The following CELSR3 variants were observed in gnomAD, a reference collection of about 807,000 sequenced individuals.
CELSR3 encodes the protein cadherin EGF LAG seven-pass G-type receptor 3.
A neutral mutation model predicts 270.0 loss-of-function variants in CELSR3; 73 were observed. That is an observed-to-expected ratio of 0.27 (90% CI 0.22 to 0.33). CELSR3 has a LOEUF of 0.33. Ranked by LOEUF, CELSR3 falls within the 10% of genes least tolerant of loss-of-function variation. CELSR3 has a pLI of 1.00. For synonymous variants in CELSR3, 1,780 were observed against 1,905.4 expected (o/e 0.93, Z 1.71); for missense variants, 3,614 against 4,533.8 (o/e 0.80, Z 5.83).
chr3:48,640,054 C>A lies in CELSR3; in HGVS notation c.9531G>T (p.Gln3177His), dbSNP rs779819765. ...PQPPPLPLSP[Q>H]RQLSRDPLLP... is the part of the protein sequence containing the mutation. ...AGAGGGGGTCCCTTGAGAGTTGCCG[C>A]TGGGGAGACAGGGGCAGAGGTGGGG... The change falls in exon 34 of 35, where the codon CAG (glutamine) becomes CAT (histidine). Residue 3177 changes from glutamine (Q) to histidine (H), a missense_variant. By Grantham distance (24) the Gln-to-His change is conservative (BLOSUM62 0). This residue lies in a region of CELSR3 where 1,240 missense variants were observed against 1,351.7 expected (regional missense o/e 0.92). Coordinates refer to ENST00000164024, the MANE Select transcript of CELSR3 (RefSeq NM_001407.3). This position sits in a 1 kb window ranked among gnomAD's most constrained non-coding sequence, Gnocchi z 7.5. The A allele has an allele frequency of 6.2e-7, 1 of 1,610,816 alleles. No homozygotes were observed. Among genetic ancestry groups the A allele is most frequent in the Non-Finnish European group, 8.5e-7 (1 of 1,179,684 alleles).
Position 48,655,476 on chromosome 3 carries a change from G to T in CELSR3, c.4742-82C>A. On this transcript the variant is annotated intron_variant, in intron 4 of 34. Transcript: ENST00000164024. The surrounding 1 kb of genome is among the most constrained non-coding windows in gnomAD (Gnocchi z 5.8). ...CGTCATATAAGCACAACCATTCCCA[G>T]GGCCACCCTGGATGCATCAGATCAG... is the stretch of plus-strand genomic sequence containing the variant. 7.1e-7 allele frequency: 1 copy of T among 1,398,712 alleles called. No homozygotes were observed. Among genetic ancestry groups the T allele is most frequent in the East Asian group, 2.3e-5 (1 of 43,320 alleles). The allele number at this position is 1,398,712 out of a possible 1,614,324, so 86.6% of individuals were successfully genotyped here. A position where few individuals can be genotyped will look rare whatever the true frequency, so the allele number is the denominator to read the frequency against.
Position 48,646,257 on chromosome 3 carries a change from C to G in CELSR3, c.7296G>C (p.Arg2432Ser). 3 of 1,608,928 alleles carry G rather than the reference C, an allele frequency of 1.9e-6. No homozygotes were observed. Among genetic ancestry groups the G allele is most frequent in the Non-Finnish European group, 1.7e-6 (2 of 1,177,350 alleles). Residue 2432 changes from arginine to serine, a missense_variant and splice_region_variant, in exon 22 of 35, where the codon AGG (arginine) becomes AGC (serine). Around this residue, in one of 7 missense-constraint regions of CELSR3, gnomAD observed 1,240 missense variants for 1,351.7 expected, o/e 0.92. Transcript: ENST00000164024. The surrounding 1 kb of genome is among the most constrained non-coding windows in gnomAD (Gnocchi z 4.8). ...AQFQAERRGA[R>S]LPQNPVMNSP... ...AGTTCATGACGGGGTTCTGAGGAAG[C>G]CTGGGGAGACACCCATCTGGGCTTA...
Position 48,642,715 on chromosome 3 carries a change from C to A in CELSR3, c.8555+21G>T. 6.2e-7 allele frequency: 1 copy of A among 1,604,152 alleles called. No homozygotes were observed. The highest frequency in any genetic ancestry group is 1.1e-5 in the South Asian group (1 of 90,722). Reference sequence around the variant, plus strand: ...CTGGACTAAGCTGAGTGTTCCCTCACAAGGAGGCTCTTCCTCTCACCTGAG... The same window carrying A: ...CTGGACTAAGCTGAGTGTTCCCTCAAAAGGAGGCTCTTCCTCTCACCTGAG... On this transcript the variant is annotated intron_variant, in intron 30 of 34. Coordinates refer to ENST00000164024, the MANE Select transcript of CELSR3 (RefSeq NM_001407.3). This position sits in a 1 kb window ranked among gnomAD's most constrained non-coding sequence, Gnocchi z 6.1.
Position 48,645,263 on chromosome 3 carries a change from C to G in CELSR3, c.7798-54G>C, listed in dbSNP as rs962027843. ...CTCCTGCCTCACCCACCTCTGACCC[C>G]TACCCCAGGCATCTGCTTCCCACCT... On this transcript the variant is annotated intron_variant, in intron 24 of 34. Coordinates refer to ENST00000164024, the MANE Select transcript of CELSR3 (RefSeq NM_001407.3). The surrounding 1 kb of genome is among the most constrained non-coding windows in gnomAD (Gnocchi z 5.4). 138 of 1,547,514 alleles carry G rather than the reference C, an allele frequency of 8.9e-5. No homozygotes were observed. The highest frequency in any genetic ancestry group is 1.1e-4 in the Non-Finnish European group (120 of 1,141,048).
Position 48,655,449 on chromosome 3 carries a change from C to G in CELSR3, c.4742-55G>C, listed in dbSNP as rs1361335177. ...GGAGCAGCGGAGTCGCCCCATCCCA[C>G]CCGTCATATAAGCACAACCATTCCC... is the stretch of plus-strand genomic sequence containing the variant. On this transcript the variant is annotated intron_variant, in intron 4 of 34. Coordinates refer to ENST00000164024, the MANE Select transcript of CELSR3 (RefSeq NM_001407.3). The surrounding 1 kb of genome is among the most constrained non-coding windows in gnomAD (Gnocchi z 5.8). The G allele has an allele frequency of 6.4e-7, 1 of 1,569,778 alleles. No homozygotes were observed. Among genetic ancestry groups the G allele is most frequent in the African/African-American group, 1.4e-5 (1 of 74,062 alleles).
Position 48,651,890 on chromosome 3 carries a change from G to A in CELSR3, c.5910C>T (p.Cys1970=). ...DCRDLWQTFS[C]TCQPGYYGPG... is the part of the protein sequence containing the mutation. ...CTCAAGGCTCACCTGGCTGGCAGGT[G>A]CAAGAAAAGGTCTGCCAGAGGTCCC... Residue 1970 remains cysteine (C), a synonymous_variant, in exon 12 of 35, where the codon TGC becomes TGT. Coordinates refer to ENST00000164024, the MANE Select transcript of CELSR3 (RefSeq NM_001407.3). The surrounding 1 kb of genome is among the most constrained non-coding windows in gnomAD (Gnocchi z 7.4). 6.2e-7 allele frequency: 1 copy of A among 1,611,644 alleles called. No homozygotes were observed. The highest frequency in any genetic ancestry group is 8.5e-7 in the Non-Finnish European group (1 of 1,179,102).
intron 27 of CELSR3, 33 bp from the exon 28 acceptor site, chr3:48,643,710 C>T (rs769659450): frequency 1.9e-6 from 3 of 1,549,782 alleles, no homozygotes; most frequent in Non-Finnish European, 2.6e-6. Flanking sequence ...CACAGGAGGA[C>T]ATGCAAGGCT....
Position 48,653,176 on chromosome 3 carries a change from C to A in CELSR3, c.5460G>T (p.Gly1820=), listed in dbSNP as rs770673985. Reference sequence around the variant, plus strand: ...CCCTGGTCACTGTCACAGACAGTAACCCCCGATCTAGCTGTGGGCAGAGAT... The same window carrying A: ...CCCTGGTCACTGTCACAGACAGTAAACCCCGATCTAGCTGTGGGCAGAGAT... ...HSTLLCQLDR[G]LLSVTVTRGS... is the part of the protein sequence containing the mutation. Residue 1820 remains glycine, a synonymous_variant, in exon 10 of 35, where the codon GGG becomes GGT. Coordinates refer to ENST00000164024, the MANE Select transcript of CELSR3 (RefSeq NM_001407.3). The surrounding 1 kb of genome is among the most constrained non-coding windows in gnomAD (Gnocchi z 6.5). 2.2e-5 allele frequency: 35 copies of A among 1,612,988 alleles called. No homozygotes were observed. Among genetic ancestry groups the A allele is most frequent in the Non-Finnish European group, 2.9e-5 (34 of 1,179,936 alleles).
rs758701785 is a variant in CELSR3 at position 48,649,168 on chromosome 3, C to T, written c.6520G>A (p.Asp2174Asn). Residue 2174 changes from aspartate to asparagine, a missense_variant, in exon 17 of 35, where the codon GAC (aspartate) becomes AAC (asparagine). Transcript: ENST00000164024. ...CDEAQGWLEP[D>N]LFNCTSPAFR... ...GCAGGGGAGGTACAGTTGAAGAGGT[C>T]GGGCTCCAGCCAACCCTGGGCCTCA... is the stretch of plus-strand genomic sequence containing the variant. 1.5e-5 allele frequency: 24 copies of T among 1,612,068 alleles called. No homozygotes were observed. Among genetic ancestry groups the T allele is most frequent in the Middle Eastern group, 1.6e-4 (1 of 6,082 alleles).
In CELSR3 at chr3:48,644,322, C is replaced by T; in HGVS notation, c.8086-27G>A. 2.5e-6 allele frequency: 4 copies of T among 1,599,516 alleles called. No homozygotes were observed. In the South Asian group the frequency reaches 3.3e-5, roughly 13 times the overall value. ...TGGACCCACGGCCAGACATGTGGGG[C>T]CGGGCAGGGCAGAGAGAGAGAGAGA... On this transcript the variant is annotated intron_variant, in intron 26 of 34. Coordinates refer to ENST00000164024, the MANE Select transcript of CELSR3 (RefSeq NM_001407.3). The surrounding 1 kb of genome is among the most constrained non-coding windows in gnomAD (Gnocchi z 4.8).
At position 48,656,730 on chromosome 3, in the gene CELSR3, C is replaced by G; in HGVS notation, c.4367G>C (p.Gly1456Ala). 1 of 1,518,112 alleles carries G rather than the reference C, an allele frequency of 6.6e-7. No homozygotes were observed. The highest frequency in any genetic ancestry group is 8.8e-7 in the Non-Finnish European group (1 of 1,136,794). 94.0% of individuals were successfully genotyped at this position (1,518,112 alleles called of 1,614,324 possible). ...NGGACARREG[G>A]YTCVCRPRFT... is the part of the protein sequence containing the mutation. ...GCGCGGGCGGCAGACGCACGTGTAG[C>G]CTCCCTCGCGCCGCGCGCAGGCTCC... Residue 1456 changes from glycine to alanine, a missense_variant, in exon 2 of 35, where the codon GGC (glycine) becomes GCC (alanine). By Grantham distance (60) the Gly-to-Ala change is moderately conservative. Coordinates refer to ENST00000164024, the MANE Select transcript of CELSR3 (RefSeq NM_001407.3).
Position 48,641,434 on chromosome 3 carries a change from C to T in CELSR3, c.8915G>A (p.Arg2972Lys). ...PCALQTWGSE[R>K]RLGLDTSKDA... is the part of the protein sequence containing the mutation. ...CTTGCTGGTGTCCAGCCCCAGGCGC[C>T]TTTCAGAGCCCCAAGTCTGCAGAGC... Residue 2972 changes from arginine (R) to lysine (K), a missense_variant, in exon 33 of 35, where the codon AGG (arginine) becomes AAG (lysine). Around this residue, in one of 7 missense-constraint regions of CELSR3, gnomAD observed 1,240 missense variants for 1,351.7 expected, o/e 0.92. Transcript: ENST00000164024. This position sits in a 1 kb window ranked among gnomAD's most constrained non-coding sequence, Gnocchi z 4.8. 6.2e-7 allele frequency: 1 copy of T among 1,612,640 alleles called. No homozygotes were observed.
At position 48,646,714 on chromosome 3, in the gene CELSR3, G is replaced by T; in HGVS notation, c.7295+49C>A. The T allele has an allele frequency of 6.4e-7, 1 of 1,570,834 alleles. No homozygotes were observed. Among genetic ancestry groups the T allele is most frequent in the Non-Finnish European group, 8.6e-7 (1 of 1,162,066 alleles). Reference sequence around the variant, plus strand: ...GCATCTACCCACCAAAAAAGGGGCTGCCAGGCTGAGAAGTTCGTAGGAAGC... The same window carrying T: ...GCATCTACCCACCAAAAAAGGGGCTTCCAGGCTGAGAAGTTCGTAGGAAGC... On this transcript the variant is annotated intron_variant, in intron 21 of 34. Transcript: ENST00000164024. This position sits in a 1 kb window ranked among gnomAD's most constrained non-coding sequence, Gnocchi z 4.8.
rs560173014 is a variant in CELSR3, at chr3:48,659,493, G to A, written c.3142C>T (p.Arg1048Trp). 22 of 1,614,198 alleles carry A rather than the reference G, an allele frequency of 1.4e-5. No homozygotes were observed. In the East Asian group the frequency reaches 1.6e-4, roughly 11 times the overall value. ...ATCACCTGGATACTGACTGGAGTCC[G>A]GAGTGGGGGCACACCTCTGTCCACT... is the stretch of plus-strand genomic sequence containing the variant. Reference protein sequence around the residue: ...YAVDRGVPPLRTPVSIQVMVQ... With the variant: ...YAVDRGVPPLWTPVSIQVMVQ... The change falls in exon 1 of 35, where the codon CGG becomes TGG. Residue 1048 changes from arginine to tryptophan, a missense_variant. By Grantham distance (101) the Arg-to-Trp change is moderately radical (BLOSUM62 -3). Coordinates refer to ENST00000164024, the MANE Select transcript of CELSR3 (RefSeq NM_001407.3). The surrounding 1 kb of genome is among the most constrained non-coding windows in gnomAD (Gnocchi z 8.1).
rs986651339 is a variant in CELSR3 at position 48,641,786 on chromosome 3, G to A, written c.8824+65C>T. 3.2e-5 allele frequency: 44 copies of A among 1,385,274 alleles called. No individual in the cohort carries two copies. In the African/African-American group the frequency reaches 5.9e-4, roughly 18 times the overall value. 85.8% of individuals were successfully genotyped at this position (1,385,274 alleles called of 1,614,324 possible). ...TGAACCCCAACCGCAGGAAAGATGG[G>A]GAGCTGGAGGGATAACAAATGGGGC... is the stretch of plus-strand genomic sequence containing the variant. On this transcript the variant is annotated intron_variant, in intron 32 of 34. Transcript: ENST00000164024. This position sits in a 1 kb window ranked among gnomAD's most constrained non-coding sequence, Gnocchi z 4.8.
intron 19 of CELSR3, 75 bp from the exon 20 acceptor site, chr3:48,648,071 G>C: frequency 1.3e-6 from 2 of 1,552,506 alleles, no homozygotes; most frequent in Middle Eastern, 1.7e-4. Flanking sequence ...CCTCTTACTC[G>C]CATCCCGCAC....
Position 48,646,324 on chromosome 3 carries a change from C to A in CELSR3, c.7296-67G>T. On this transcript the variant is annotated intron_variant, in intron 21 of 34. Coordinates refer to ENST00000164024, the MANE Select transcript of CELSR3 (RefSeq NM_001407.3). This position sits in a 1 kb window ranked among gnomAD's most constrained non-coding sequence, Gnocchi z 4.8. ...CCATGCTCAGCCTGCTTGCCTCACC[C>A]CGTCTTCATGCCACTCGCCAGGGCT... 6.6e-7 allele frequency: 1 copy of A among 1,505,460 alleles called. No homozygotes were observed. The highest frequency in any genetic ancestry group is 1.4e-5 in the African/African-American group (1 of 72,252). 93.3% of individuals were successfully genotyped at this position (1,505,460 alleles called of 1,614,324 possible).
rs145787713 is a variant in CELSR3 at position 48,647,930 on chromosome 3, T to C, written c.7040A>G (p.His2347Arg). ...PRGARRYPRY[H>R]SNLFRGQDAW... Reference sequence around the variant, plus strand: ...ATCCTGGCCTCGAAAGAGGTTGCTATGGTAGCGAGGGTAGCGACGGGCCCC... The same window carrying C: ...ATCCTGGCCTCGAAAGAGGTTGCTACGGTAGCGAGGGTAGCGACGGGCCCC... Residue 2347 changes from histidine (H) to arginine (R), a missense_variant, in exon 20 of 35, where the codon CAT becomes CGT. By Grantham distance (29) the His-to-Arg change is conservative. This residue lies in a region of CELSR3 where 1,240 missense variants were observed against 1,351.7 expected (regional missense o/e 0.92). Coordinates refer to ENST00000164024, the MANE Select transcript of CELSR3 (RefSeq NM_001407.3). 1.2e-6 allele frequency: 2 copies of C among 1,612,124 alleles called. No individual in the cohort carries two copies. Among genetic ancestry groups the C allele is most frequent in the Non-Finnish European group, 1.7e-6 (2 of 1,179,698 alleles).
In CELSR3 at chr3:48,639,613, G is replaced by A. The variant is rs2047003274; in HGVS notation, c.9911+61C>T. On this transcript the variant is annotated intron_variant, in intron 34 of 34. Coordinates refer to ENST00000164024, the MANE Select transcript of CELSR3 (RefSeq NM_001407.3). This position sits in a 1 kb window ranked among gnomAD's most constrained non-coding sequence, Gnocchi z 4.1. ...CCTTCTGTGGCAGAACACAGGGCAG[G>A]GCACACAGGAGGTTGCCCTAAGCTG... 40 of 1,582,086 alleles carry A rather than the reference G, an allele frequency of 2.5e-5. No homozygotes were observed. The South Asian group carries it at 4.4e-4, about 17-fold the overall frequency.
Sources: allele counts gnomAD v4.1 joint callset, GRCh38; gene constraint gnomAD v4.1.1; regional missense constraint gnomAD v4.1.1; non-coding constraint Gnocchi (gnomAD v3.1); transcripts MANE v1.5; gene names NCBI Gene and HGNC (gene_info 2026-07-23, HGNC 2026-07-21).